IGF1R: variants seen among roughly 807,000 people sequenced by gnomAD.
The protein encoded by IGF1R is insulin like growth factor 1 receptor.
In IGF1R, 44 loss-of-function variants were observed where a neutral mutation model predicts 144.6. The ratio of observed to expected loss-of-function variants is 0.30; its 90% CI spans 0.24 to 0.39. IGF1R has a LOEUF of 0.39. Ranked by LOEUF, IGF1R falls within the 10% of genes least tolerant of loss-of-function variation. The pLI, the probability that IGF1R is intolerant of heterozygous loss-of-function variation, is 1.00. For missense variants in IGF1R, 1,355 were observed against 1,833.7 expected, an observed-to-expected ratio of 0.74 and a Z score of 4.77; for synonymous variants, 795 against 722.8, an observed-to-expected ratio of 1.10 and a Z score of -1.60.
chr15:98,824,833 T>TTTC (rs150954000), intron 2 of IGF1R, among the ~76,000 whole-genome samples: 6,183 of 151,882 alleles, frequency 0.041, 400 homozygotes, highest in African/African-American at 0.14. Context: ...TTTTTTAACT[T>TTTC]TTCTTCTTCT....
At chr15:98,931,564 A>G (rs144208432) in intron 15 of IGF1R, among the ~76,000 whole-genome samples, 1,839 of 152,300 alleles carry the variant, frequency 0.012, 13 homozygotes, top group Non-Finnish European at 0.017. Flanking sequence ...AAGGTCTCAC[A>G]AAGTTGGTTT....
chr15:98,750,129 A>G (rs1263824251), intron 2 of IGF1R, among the ~76,000 whole-genome samples: 1 of 152,230 alleles, frequency 6.6e-6, no homozygotes, highest in African/African-American at 2.4e-5. Flanking sequence ...TCTTACCTGA[A>G]GAGTCCATTC....
At chr15:98,901,562 C>T (rs1311853806) in intron 5 of IGF1R, among the ~76,000 whole-genome samples, 1 of 152,172 alleles carries the variant, frequency 6.6e-6, no homozygotes, top group African/African-American at 2.4e-5. Flanking sequence ...AGGTCTGGCC[C>T]CTTCACTAGC....
At chr15:98,732,401 CT>C (rs1383897610) in intron 2 of IGF1R, among the ~76,000 whole-genome samples, 21 of 152,300 alleles carry the variant, frequency 1.4e-4, no homozygotes, top group African/African-American at 5.1e-4. Flanking sequence ...CCCTGTCTGC[CT>C]TCCCTAGGAG....
Position 98,957,330 on chromosome 15 carries a change from C to G in IGF1R, c.3992C>G (p.Pro1331Arg), listed in dbSNP as rs1262560474. 1 of 1,612,356 alleles carries G rather than the reference C, an allele frequency of 6.2e-7. No homozygotes were observed. Among genetic ancestry groups the G allele is most frequent in the East Asian group, 2.2e-5 (1 of 44,822 alleles). The change falls in exon 21 of 21, where the codon CCT (proline) becomes CGT (arginine). Residue 1331 changes from proline to arginine, a missense_variant. Around this residue, in one of 7 missense-constraint regions of IGF1R, gnomAD observed 219 missense variants for 188.8 expected, o/e 1.16. Coordinates refer to ENST00000650285, the MANE Select transcript of IGF1R (RefSeq NM_000875.5). ...SGHKAENGPG[P>R]GVLVLRASFD... is the part of the protein sequence containing the mutation. Reference sequence around the variant, plus strand: ...CACAAGGCCGAGAACGGCCCCGGCCCTGGGGTGCTGGTCCTCCGCGCCAGC... The same window carrying G: ...CACAAGGCCGAGAACGGCCCCGGCCGTGGGGTGCTGGTCCTCCGCGCCAGC...
chr15:98,950,737 T>G (rs898359637), intron 20 of IGF1R, among the ~76,000 whole-genome samples: 2 of 152,198 alleles, frequency 1.3e-5, no homozygotes, highest in African/African-American at 2.4e-5. Flanking sequence ...GAAGCCTGAT[T>G]AGAGGAGTGA....
rs1184131733 is a variant in IGF1R, at chr15:98,961,742, C to T, written c.*4300C>T. 3 of 233,632 alleles carry T rather than the reference C, an allele frequency of 1.3e-5. No homozygotes were observed. The highest frequency in any genetic ancestry group is 1.1e-4 in the Admixed American group (2 of 17,804). 14.5% of individuals were successfully genotyped at this position (233,632 alleles called of 1,614,324 possible). The stretch of plus-strand genomic sequence containing the variant: ...TACTGGAGACACTGTTGAACTTGAT[C>T]AAGACCCAGACCACCCCAGGTCTCC... On this transcript the variant is annotated 3_prime_UTR_variant, in exon 21 of 21. Transcript: ENST00000650285.
At chr15:98,863,979 T>C (rs1330124561) in intron 2 of IGF1R, among the ~76,000 whole-genome samples, 1 of 152,168 alleles carries the variant, frequency 6.6e-6, no homozygotes, top group Non-Finnish European at 1.5e-5. Context: ...TAAACGTGGC[T>C]GGGTGTGGTG....
chr15:98,714,814 A>G (rs28641640), intron 2 of IGF1R, among the ~76,000 whole-genome samples: 6,741 of 150,658 alleles, frequency 0.045, 521 homozygotes, highest in African/African-American at 0.16. Context: ...TCATCTTAAC[A>G]TTTTTTTTTT....
At chr15:98,783,321 C>T (rs1033589062) in intron 2 of IGF1R, among the ~76,000 whole-genome samples, 2 of 152,188 alleles carry the variant, frequency 1.3e-5, no homozygotes, top group Non-Finnish European at 1.5e-5. Flanking sequence ...TCTCTCCTCT[C>T]TCCTTCATGC....
At position 98,943,042 on chromosome 15, in the gene IGF1R, T is replaced by G. The variant is rs771892802; in HGVS notation, c.3577T>G (p.Ser1193Ala). 2 of 1,614,218 alleles carry G rather than the reference T, an allele frequency of 1.2e-6. No individual in the cohort carries two copies. The highest frequency in any genetic ancestry group is 1.7e-6 in the Non-Finnish European group (2 of 1,180,022). Reference sequence around the variant, plus strand: ...CAAGGATGGAGTCTTCACCACTTACTCGGACGTCTGGTATGAGAACCTTTA... The same window carrying G: ...CAAGGATGGAGTCTTCACCACTTACGCGGACGTCTGGTATGAGAACCTTTA... Reference protein sequence around the residue: ...SLKDGVFTTYSDVWSFGVVLW... With the variant: ...SLKDGVFTTYADVWSFGVVLW... Residue 1193 changes from serine (S) to alanine (A), a missense_variant, in exon 19 of 21, where the codon TCG becomes GCG. Physicochemically the swap from Ser to Ala is moderately conservative, Grantham distance 99. Transcript: ENST00000650285.
intron 1 of IGF1R, among the ~76,000 whole-genome samples, chr15:98,660,031 T>C (rs1473944262): frequency 3.9e-5 from 6 of 152,266 alleles, no homozygotes; most frequent in East Asian, 1.9e-4. Context: ...TCTTTCTTGC[T>C]GAGATTACAC....
intron 2 of IGF1R, among the ~76,000 whole-genome samples, chr15:98,768,168 A>G (rs1397326820): frequency 3.3e-5 from 5 of 152,070 alleles, no homozygotes; most frequent in Non-Finnish European, 5.9e-5. Context: ...CACCCTCAGG[A>G]CCTTGGATGA....
chr15:98,919,700 A>G (rs959437609), intron 10 of IGF1R, among the ~76,000 whole-genome samples: 2 of 152,198 alleles, frequency 1.3e-5, no homozygotes, highest in Non-Finnish European at 2.9e-5. Context: ...ATGGATGTAT[A>G]TGAAGACAAT....
At chr15:98,893,836 G>GT (rs1451102947) in intron 3 of IGF1R, among the ~76,000 whole-genome samples, 14 of 151,934 alleles carry the variant, frequency 9.2e-5, no homozygotes, top group African/African-American at 3.4e-4. Context: ...CTACCTTTTT[G>GT]TTTAAAAATA....
chr15:98,906,284 C>G (rs1279233693), intron 5 of IGF1R, among the ~76,000 whole-genome samples: 1 of 152,198 alleles, frequency 6.6e-6, no homozygotes, highest in Non-Finnish European at 1.5e-5. Flanking sequence ...TGAAAAGAGG[C>G]CTGGTTCTGG....
At chr15:98,768,145 C>G (rs929700047) in intron 2 of IGF1R, among the ~76,000 whole-genome samples, 1 of 152,128 alleles carries the variant, frequency 6.6e-6, no homozygotes, top group Non-Finnish European at 1.5e-5. Flanking sequence ...CTCCACAGTT[C>G]TGTTCTCATG....
At chr15:98,917,909 GATA>G (rs1442231730) in intron 10 of IGF1R, among the ~76,000 whole-genome samples, 3 of 152,180 alleles carry the variant, frequency 2.0e-5, no homozygotes, top group South Asian at 4.1e-4. Context: ...TTTGGAAATA[GATA>G]ATGATGATAG....
chr15:98,890,330 C>T (rs995387105), intron 2 of IGF1R: 5 of 152,142 alleles, frequency 3.3e-5, no homozygotes, highest in African/African-American at 9.7e-5. Context: ...TTAAAGAAGC[C>T]GGCGCAAACC....
Sources: gnomAD v4.1 joint callset for allele counts (sites outside exome capture counted in the v4.1 genomes callset) on GRCh38, gnomAD v4.1.1 for gene constraint, gnomAD v4.1.1 regional missense constraint, MANE v1.5 for transcripts, NCBI Gene and HGNC (gene_info 2026-07-23, HGNC 2026-07-21) for gene names.